The following DIAPH2 variants were observed in gnomAD, a reference collection of about 807,000 sequenced individuals.
DIAPH2 encodes the protein diaphanous related formin 2, also known as protein diaphanous homolog 2.
Under a neutral mutation model 92.7 loss-of-function variants are expected in DIAPH2, and 35 were observed. The ratio of observed to expected loss-of-function variants is 0.38; its 90% confidence interval spans 0.29 to 0.50. The LOEUF is 0.50. Among genes scored for constraint, DIAPH2 ranks in the 20% least tolerant of loss-of-function variants. DIAPH2 has a pLI of 0.94. For missense variants in DIAPH2, 701 were observed against 819.5 expected, an observed-to-expected ratio of 0.86 and a Z score of 1.77; for synonymous variants, 301 against 280.4, an observed-to-expected ratio of 1.07 and a Z score of -0.73.
chrX:97,015,344 A>G (rs190167631), intron 17 of DIAPH2, among the ~76,000 whole-genome samples: 21 of 112,005 alleles, frequency 1.9e-4, no homozygotes, highest in Middle Eastern at 4.6e-3. Context: ...TCTGCCCTCC[A>G]TAAATCTACC....
intron 13 of DIAPH2, among the ~76,000 whole-genome samples, chrX:96,944,484 A>AAGTTT (rs201117190): frequency 0.12 from 13,598 of 111,036 alleles, 1,119 homozygotes; most frequent in African/African-American, 0.29. Context: ...TTACCCCCTA[A>AAGTTT]CTGCATTGTC....
At chrX:97,232,396 G>A (rs1335249562) in intron 22 of DIAPH2, among the ~76,000 whole-genome samples, 1 of 111,021 alleles carries the variant, frequency 9.0e-6, no homozygotes, top group Non-Finnish European at 1.9e-5. Flanking sequence ...CGTCACACCT[G>A]GCTAATTTTT....
chrX:96,801,705 A>G (rs746063239), intron 4 of DIAPH2, among the ~76,000 whole-genome samples: 3 of 111,579 alleles, frequency 2.7e-5, no homozygotes, highest in Non-Finnish European at 5.7e-5. Context: ...GAAGATTTCT[A>G]TACTTGATAA....
intron 22 of DIAPH2, among the ~76,000 whole-genome samples, chrX:97,152,733 C>A (rs1365665895): frequency 8.9e-6 from 1 of 112,342 alleles, no homozygotes. Context: ...GAGGGCAGAG[C>A]CCTCATGACA....
intron 4 of DIAPH2, among the ~76,000 whole-genome samples, chrX:96,810,993 A>G (rs1006739125): frequency 3.6e-5 from 4 of 111,702 alleles, no homozygotes; most frequent in Non-Finnish European, 7.5e-5. Flanking sequence ...GATTGTCTTG[A>G]CAATGTGGGC....
chrX:96,825,473 G>A (rs893185349), intron 4 of DIAPH2, among the ~76,000 whole-genome samples: 13 of 105,826 alleles, frequency 1.2e-4, no homozygotes, highest in Non-Finnish European at 9.7e-5. Flanking sequence ...GTTTATATGT[G>A]TAGGAAATTA....
intron 4 of DIAPH2, among the ~76,000 whole-genome samples, chrX:96,860,894 C>G (rs1268494857): frequency 8.9e-5 from 10 of 111,857 alleles, no homozygotes; most frequent in Non-Finnish European, 1.9e-5. Flanking sequence ...AATGTGAAAA[C>G]TAAGCTTCTA....
intron 4 of DIAPH2, among the ~76,000 whole-genome samples, chrX:96,837,404 CCT>C (rs758318611): frequency 0.015 from 982 of 65,990 alleles, 24 homozygotes; most frequent in South Asian, 0.062. Flanking sequence ...TTCCTCCCTC[CCT>C]CTCTCTCTCT....
chrX:97,203,527 G>A (rs2067770588), intron 22 of DIAPH2, among the ~76,000 whole-genome samples: 1 of 111,951 alleles, frequency 8.9e-6, no homozygotes, highest in East Asian at 2.8e-4. Context: ...ACTACCATCA[G>A]AGAATACTGT....
Position 97,275,561 on chromosome X carries a change from C to T in DIAPH2, c.2844+27722C>T, listed in dbSNP as rs867568236. On this transcript the variant is annotated intron_variant, in intron 23 of 26. Coordinates refer to ENST00000324765, the MANE Select transcript of DIAPH2 (RefSeq NM_006729.5). ...GCGGAGGGGCTCCTCACTTCTCAGACGGGGCGGCTGCCGGGCAGAGGGGCT... is the reference window on the plus strand; with the variant it reads ...GCGGAGGGGCTCCTCACTTCTCAGATGGGGCGGCTGCCGGGCAGAGGGGCT... Among the ~76,000 whole-genome samples the T allele has an allele frequency of 1.2e-4, 12 of 97,405 alleles. No individual in the cohort carries two copies. The South Asian group carries it at 2.1e-3, about 17-fold the overall frequency. The allele number at this position is 97,405 out of a possible 115,157, so 84.6% of individuals were successfully genotyped here. A position where few individuals can be genotyped will look rare whatever the true frequency, so the allele number is the denominator to read the frequency against.
chrX:97,318,297 C>A (rs191191314), intron 23 of DIAPH2, among the ~76,000 whole-genome samples: 305 of 108,537 alleles, frequency 2.8e-3, no homozygotes, highest in African/African-American at 9.4e-3. Context: ...TGCCACCACA[C>A]CCGGCTAATT....
At position 96,818,136 on chromosome X, in the gene DIAPH2, G is replaced by A. The variant is rs1489040956; in HGVS notation, c.447+59878G>A. The stretch of plus-strand genomic sequence containing the variant: ...TGGGACGGCAGGTGCCCGCCAAAAC[G>A]CCCGGCTAAATTTTTTGTATTTTTA... On this transcript the variant is annotated intron_variant, in intron 4 of 26. Coordinates refer to ENST00000324765, the MANE Select transcript of DIAPH2 (RefSeq NM_006729.5). Among the ~76,000 whole-genome samples, 4 of 56,362 alleles carry A rather than the reference G, an allele frequency of 7.1e-5. 1 individual carries two copies. In the Admixed American group the frequency reaches 9.0e-4, roughly 13 times the overall value. 48.9% of individuals were successfully genotyped at this position (56,362 alleles called of 115,157 possible).
chrX:96,953,679 A>C (rs1016679804), intron 15 of DIAPH2: 1 of 112,456 alleles, frequency 8.9e-6, no homozygotes, highest in South Asian at 3.7e-4. Context: ...TGCCCTATCA[A>C]TGGTCACATA....
At chrX:96,844,662 C>T (rs1602559508) in intron 4 of DIAPH2, among the ~76,000 whole-genome samples, 1 of 112,137 alleles carries the variant, frequency 8.9e-6, no homozygotes, top group Admixed American at 9.4e-5. Flanking sequence ...CCAAACCCAT[C>T]GTAGTATATG....
rs139384487 is a variant in DIAPH2 at position 97,006,285 on chromosome X, A to G, written c.2050+41078A>G. ...TGCATGAAATGCTCTGTAAATATCTATTAGATCCATTTGGTCTATGGTGCA... is the reference window on the plus strand; with the variant it reads ...TGCATGAAATGCTCTGTAAATATCTGTTAGATCCATTTGGTCTATGGTGCA... On this transcript the variant is annotated intron_variant, in intron 17 of 26. Coordinates refer to ENST00000324765, the MANE Select transcript of DIAPH2 (RefSeq NM_006729.5). Among the ~76,000 whole-genome samples the G allele has an allele frequency of 6.9e-3, 772 of 112,135 alleles. 14 individuals are homozygous for G. The highest frequency in any genetic ancestry group is 0.024 in the African/African-American group (741 of 30,873).
chrX:97,474,674 G>A (rs2070590094), intron 26 of DIAPH2, among the ~76,000 whole-genome samples: 1 of 110,079 alleles, frequency 9.1e-6, no homozygotes, highest in South Asian at 4.0e-4. Context: ...GCTGAGACAG[G>A]AGAATCCCTC....
At chrX:96,744,328 T>TGAGGAAAGTGAAGCTTAGAGA (rs2064136937) in intron 3 of DIAPH2, among the ~76,000 whole-genome samples, 2 of 112,386 alleles carry the variant, frequency 1.8e-5, no homozygotes, top group South Asian at 7.4e-4. Context: ...CATTTTCAGA[T>TGAGGAAAGTGAAGCTTAGAGA]GAGGAAAGTG....
intron 22 of DIAPH2, among the ~76,000 whole-genome samples, chrX:97,226,852 A>G (rs1298609653): frequency 1.8e-5 from 2 of 112,187 alleles, no homozygotes; most frequent in Non-Finnish European, 3.8e-5. Flanking sequence ...ATATGTCATA[A>G]CAATACAGAA....
At chrX:96,749,005 T>C (rs2064167753) in intron 3 of DIAPH2, among the ~76,000 whole-genome samples, 1 of 109,209 alleles carries the variant, frequency 9.2e-6, no homozygotes, top group Admixed American at 9.9e-5. Context: ...GTTGAGTAGT[T>C]GAGACAAAGA....
Sources: gnomAD v4.1 joint callset for allele counts (sites outside exome capture counted in the v4.1 genomes callset) on GRCh38, gnomAD v4.1.1 for gene constraint, MANE v1.5 for transcripts, NCBI Gene and HGNC (gene_info 2026-07-23, HGNC 2026-07-21) for gene names.